MTMR4: variants seen among roughly 807,000 people sequenced by gnomAD.
MTMR4 encodes myotubularin related protein 4, also known as phosphatidylinositol-3,5-bisphosphate 3-phosphatase MTMR4.
A neutral mutation model predicts 125.5 loss-of-function variants in MTMR4; 30 were observed. The ratio of observed to expected loss-of-function variants is 0.24; its 90% CI spans 0.18 to 0.32. The LOEUF (loss-of-function observed/expected upper bound fraction) is 0.32, where lower values mean the gene tolerates loss of function less well. MTMR4 is among the 10% of genes least tolerant of loss of function. The pLI is 1.00. For synonymous variants in MTMR4, 498 were observed against 564.5 expected, an observed-to-expected ratio of 0.88 and a Z score of 1.67; for missense variants, 1,039 against 1,511.5, an observed-to-expected ratio of 0.69 and a Z score of 5.18.
Position 58,505,123 on chromosome 17 carries a change from C to G in MTMR4, c.1146-149G>C, listed in dbSNP as rs1277606893. The G allele has an allele frequency of 2.2e-5, 16 of 722,658 alleles. No homozygotes were observed. The Admixed American group carries it at 3.6e-4, about 16-fold the overall frequency. The allele number at this position is 722,658 out of a possible 1,614,324, so 44.8% of individuals were successfully genotyped here. A position where few individuals can be genotyped will look rare whatever the true frequency, so the allele number is the denominator to read the frequency against. ...CCAGGGCCTTTTGGACAAGAGGTAT[C>G]TAGCAGGAAGGTAGGGAAGACAGGA... is the stretch of plus-strand genomic sequence containing the variant. On this transcript the variant is annotated intron_variant, in intron 10 of 17. Transcript: ENST00000682306.
Position 58,514,385 on chromosome 17 carries a change from G to A in MTMR4, c.23C>T (p.Ser8Phe). The change falls in exon 1 of 18, where the codon TCC becomes TTC. Residue 8 changes from serine to phenylalanine, a missense_variant. Physicochemically the swap from Ser to Phe is radical, Grantham distance 155 (BLOSUM62 -2). Coordinates refer to ENST00000682306, the MANE Select transcript of MTMR4 (RefSeq NM_001378067.1). Reference sequence around the variant, plus strand: ...TACGAAGCAGCTAAGCATGGAGCAGGAGACGCGGGCGGTCAGGCTCATGGT... The same window carrying A: ...TACGAAGCAGCTAAGCATGGAGCAGAAGACGCGGGCGGTCAGGCTCATGGT... Reference protein sequence around the residue: MSLTARVSCSMLSCFGEE... With the variant: MSLTARVFCSMLSCFGEE... 1.0e-6 allele frequency: 1 copy of A among 987,092 alleles called. No individual in the cohort carries two copies. Among genetic ancestry groups the A allele is most frequent in the Non-Finnish European group, 1.2e-6 (1 of 830,418 alleles). 61.1% of individuals were successfully genotyped at this position (987,092 alleles called of 1,614,324 possible). A position where few individuals can be genotyped will look rare whatever the true frequency, so the allele number is the denominator to read the frequency against.
At chr17:58,501,596 A>G (rs1215381780) in intron 14 of MTMR4, among the ~76,000 whole-genome samples, 1 of 151,552 alleles carries the variant, frequency 6.6e-6, no homozygotes, top group Non-Finnish European at 1.5e-5. Context: ...GTATACATAT[A>G]TACACACATA....
At chr17:58,500,207 G>A (rs1975583909) in intron 14 of MTMR4, among the ~76,000 whole-genome samples, 1 of 152,084 alleles carries the variant, frequency 6.6e-6, no homozygotes, top group Non-Finnish European at 1.5e-5. Context: ...GCTCACTGCA[G>A]CCTCAACCTG....
Position 58,508,274 on chromosome 17 carries a change from T to C in MTMR4, c.594A>G (p.Lys198=). The C allele has an allele frequency of 6.2e-7, 1 of 1,613,740 alleles. No homozygotes were observed. The highest frequency in any genetic ancestry group is 8.5e-7 in the Non-Finnish European group (1 of 1,179,716). Residue 198 remains lysine, a splice_region_variant and synonymous_variant, in exon 7 of 18, where the codon AAA becomes AAG. Transcript: ENST00000682306. The surrounding 1 kb of genome is among the most constrained non-coding windows in gnomAD (Gnocchi z 4.8). ...GCTTCTGGGGGTAACTGGGGCACAA[T>C]CTGAGAAGAGACCAGGTGGGGGTCA... ...WRVSHINSNY[K]LCPSYPQKLL... is the part of the protein sequence containing the mutation.
rs949747911 is a variant in MTMR4, at chr17:58,504,628, A to G, written c.1342-140T>C. 8.9e-6 allele frequency: 12 copies of G among 1,349,252 alleles called. No homozygotes were observed. The highest frequency in any genetic ancestry group is 1.1e-5 in the Non-Finnish European group (11 of 990,446). The allele number at this position is 1,349,252 out of a possible 1,614,324, so 83.6% of individuals were successfully genotyped here. On this transcript the variant is annotated intron_variant, in intron 11 of 17. Transcript: ENST00000682306. The surrounding 1 kb of genome is among the most constrained non-coding windows in gnomAD (Gnocchi z 7.1). ...ACCTAGAAGAGGACTCAAAGCCACC[A>G]ATTTTCCAAGCCTTTGGGAGTTGGA...
At position 58,507,169 on chromosome 17, in the gene MTMR4, G is replaced by A; in HGVS notation, c.858C>T (p.Leu286=). Residue 286 remains leucine, a synonymous_variant, in exon 8 of 18, where the codon CTC becomes CTT. Coordinates refer to ENST00000682306, the MANE Select transcript of MTMR4 (RefSeq NM_001378067.1). ...CGCTGGTATCATTATTCCCGGTGCT[G>A]AGGGAGCCCCCAGTGGCCCTTGTCC... The part of the protein sequence containing the change: ...DPGTRATGGS[L]STGNNDTSEA... 1 of 1,614,174 alleles carries A rather than the reference G, an allele frequency of 6.2e-7. No homozygotes were observed. The highest frequency in any genetic ancestry group is 8.5e-7 in the Non-Finnish European group (1 of 1,180,028).
At chr17:58,507,389 G>A in intron 7 of MTMR4, 70 bp from the exon 8 acceptor site, 2 of 1,442,980 alleles carry the variant, frequency 1.4e-6, no homozygotes, top group Non-Finnish European at 1.9e-6. Context: ...CAGGGGGTTA[G>A]ACCAAAGTCT....
chr17:58,514,206 G>A (rs1485906276), intron 1 of MTMR4, among the ~76,000 whole-genome samples, 157 bp downstream of exon 1: 1 of 152,292 alleles, frequency 6.6e-6, no homozygotes, highest in East Asian at 1.9e-4. Context: ...ATTGAAGCAA[G>A]TCCAAGAAAT....
chr17:58,499,831 C>T (rs1033403900), intron 14 of MTMR4, among the ~76,000 whole-genome samples: 3 of 150,538 alleles, frequency 2.0e-5, no homozygotes, highest in Middle Eastern at 3.4e-3. Flanking sequence ...GGGGTTTCAC[C>T]GTGTTAGCCA....
In MTMR4 at chr17:58,512,055, C is replaced by T. The variant is rs535933233; in HGVS notation, c.252+335G>A. 9.2e-5 allele frequency among the ~76,000 whole-genome samples: 14 copies of T among 152,106 alleles called. No individual in the cohort carries two copies. In the South Asian group the frequency reaches 2.7e-3, roughly 29 times the overall value. The stretch of plus-strand genomic sequence containing the variant: ...AAGCTGGACAGCAGTGGCACAATCT[C>T]GGCTCACTGCAACCTCCACCTCCCA... On this transcript the variant is annotated intron_variant, in intron 3 of 17. Transcript: ENST00000682306. The surrounding 1 kb of genome is among the most constrained non-coding windows in gnomAD (Gnocchi z 4.1).
chr17:58,510,909 T>G (rs1171958428), intron 4 of MTMR4: 2 of 152,192 alleles, frequency 1.3e-5, no homozygotes, highest in Non-Finnish European at 2.9e-5. Flanking sequence ...CTCATAGCAC[T>G]CCTTATTCCC....
chr17:58,512,931 C>A lies in MTMR4; in HGVS notation c.56G>T (p.Gly19Val). 6.2e-7 allele frequency: 1 copy of A among 1,610,836 alleles called. No homozygotes were observed. ...TTGGATGTACTCCAGGCTGGGGGGCCCCTCCTCACCCTGTAGGAAGGCCAC... is the reference window on the plus strand; with the variant it reads ...TTGGATGTACTCCAGGCTGGGGGGCACCTCCTCACCCTGTAGGAAGGCCAC... ...CSMLSCFGEEGPPSLEYIQAK... is the reference protein window; with the variant it reads ...CSMLSCFGEEVPPSLEYIQAK... The change falls in exon 2 of 18, where the codon GGG becomes GTG. Residue 19 changes from glycine (G) to valine (V), a missense_variant. By Grantham distance (109) the Gly-to-Val change is moderately radical. Around this residue, in one of 6 missense-constraint regions of MTMR4, gnomAD observed 202 missense variants for 311.9 expected, o/e 0.65. Transcript: ENST00000682306. This position sits in a 1 kb window ranked among gnomAD's most constrained non-coding sequence, Gnocchi z 4.1.
At chr17:58,498,609 G>C (rs1476608013) in intron 14 of MTMR4, among the ~76,000 whole-genome samples, 1 of 149,886 alleles carries the variant, frequency 6.7e-6, no homozygotes, top group Non-Finnish European at 1.5e-5. Flanking sequence ...TTGATCTAGG[G>C]AAAGGTAGAA....
intron 15 of MTMR4, 124 bp downstream of exon 15, chr17:58,494,808 A>G: frequency 1.2e-6 from 1 of 824,350 alleles, no homozygotes; most frequent in South Asian, 1.8e-5. Flanking sequence ...CTTGTTTTTC[A>G]TCCTATAGCC....
chr17:58,494,910 A>G lies in MTMR4; in HGVS notation c.3252+22T>C, dbSNP rs367595817. ...GATGAACAGAGTAAATAATGGGTGT[A>G]TGGCAGTTGGTGACTACTTACAAAA... On this transcript the variant is annotated intron_variant, in intron 15 of 17. Transcript: ENST00000682306. 38 of 1,604,162 alleles carry G rather than the reference A, an allele frequency of 2.4e-5. No homozygotes were observed. In the Middle Eastern group the frequency reaches 5.0e-4, roughly 21 times the overall value.
At chr17:58,497,759 T>C (rs1485367626) in intron 14 of MTMR4, among the ~76,000 whole-genome samples, 1 of 152,216 alleles carries the variant, frequency 6.6e-6, no homozygotes, top group Non-Finnish European at 1.5e-5. Context: ...GAATGTGTGA[T>C]ACACATCAGG....
chr17:58,495,931 G>A lies in MTMR4; in HGVS notation c.2253C>T (p.Ala751=). Residue 751 remains alanine (A), a synonymous_variant, in exon 15 of 18, where the codon GCC becomes GCT. Transcript: ENST00000682306. The stretch of plus-strand genomic sequence containing the variant: ...CTAAAGTCCTACCCAGCTCATCCTG[G>A]GCAGAAGGGTCTGGAGCTGGTCCCT... ...ETKGPAPDPS[A]QDELGRTLDG... is the part of the protein sequence containing the mutation. 1 of 1,614,114 alleles carries A rather than the reference G, an allele frequency of 6.2e-7. No homozygotes were observed. Among genetic ancestry groups the A allele is most frequent in the South Asian group, 1.1e-5 (1 of 91,074 alleles).
chr17:58,509,540 C>G (rs557263993), intron 4 of MTMR4, among the ~76,000 whole-genome samples: 1 of 151,458 alleles, frequency 6.6e-6, no homozygotes, highest in African/African-American at 2.4e-5. Context: ...CAAATCAGTC[C>G]CCTGAGTAGC....
Position 58,495,705 on chromosome 17 carries a change from T to A in MTMR4, c.2479A>T (p.Thr827Ser). The A allele has an allele frequency of 5.0e-6, 8 of 1,614,178 alleles. No individual in the cohort carries two copies. The highest frequency in any genetic ancestry group is 6.8e-6 in the Non-Finnish European group (8 of 1,180,036). Residue 827 changes from threonine to serine, a missense_variant, in exon 15 of 18, where the codon ACC becomes TCC. Around this residue, in one of 6 missense-constraint regions of MTMR4, gnomAD observed 619 missense variants for 714.5 expected, o/e 0.87. Transcript: ENST00000682306. ...GCAGCACTCGGTGGGTTGCAAACGG[T>A]GCTGAGGCTGTGATCAAGAACACAC... is the stretch of plus-strand genomic sequence containing the variant. ...SKCVLDHSLS[T>S]VCNPPSAACQ...
Sources: gnomAD v4.1 joint callset for allele counts (sites outside exome capture counted in the v4.1 genomes callset) on GRCh38, gnomAD v4.1.1 for gene constraint, gnomAD v4.1.1 regional missense constraint, Gnocchi (gnomAD v3.1) non-coding constraint, MANE v1.5 for transcripts, NCBI Gene and HGNC (gene_info 2026-07-23, HGNC 2026-07-21) for gene names.